The following SPATA13 variants were observed in gnomAD, a reference collection of about 807,000 sequenced individuals.
The protein encoded by SPATA13 is spermatogenesis-associated protein 13.
SPATA13 carries 50 observed loss-of-function variants against 104.0 expected under a neutral mutation model. The observed-to-expected ratio is 0.48, with a 90% confidence interval of 0.38 to 0.61. The LOEUF is 0.61. SPATA13 is among the 20% of genes least tolerant of loss of function. The pLI is 0.00. For synonymous variants in SPATA13, 606 were observed against 667.5 expected, an observed-to-expected ratio of 0.91 and a Z score of 1.42; for missense variants, 1,524 against 1,690.6, an observed-to-expected ratio of 0.90 and a Z score of 1.73.
At chr13:24,226,490 C>A (rs1411100308) in intron 2 of SPATA13, among the ~76,000 whole-genome samples, 1 of 152,164 alleles carries the variant, frequency 6.6e-6, no homozygotes, top group East Asian at 1.9e-4. Context: ...CAGTTTTTTT[C>A]ATATTCTATC....
intron 2 of SPATA13, among the ~76,000 whole-genome samples, chr13:24,232,144 T>C (rs1245014054): frequency 1.3e-5 from 2 of 152,190 alleles, no homozygotes; most frequent in Non-Finnish European, 2.9e-5. Flanking sequence ...GGAAGCCAGA[T>C]GTGTAGTTCA....
intron 4 of SPATA13, among the ~76,000 whole-genome samples, chr13:24,271,216 A>G (rs1593480881): frequency 6.6e-6 from 1 of 152,134 alleles, no homozygotes; most frequent in Admixed American, 6.6e-5. Context: ...GTAGAAAATC[A>G]TAAGAATCAA....
Position 24,275,434 on chromosome 13 carries a change from TC to T in SPATA13, c.2165-8697del, listed in dbSNP as rs1251638651. ...GAACAGATGTGTTCTCTTGGAATTG[TC>T]CCCAGTCAGAGAGGCGCTGATGGTC... On this transcript the variant is annotated intron_variant, in intron 4 of 12. Transcript: ENST00000382108. 3.9e-5 allele frequency among the ~76,000 whole-genome samples: 6 copies of T among 152,324 alleles called. No individual in the cohort carries two copies. The East Asian group carries it at 9.7e-4, about 25-fold the overall frequency.
chr13:24,296,391 A>G (rs1259214427), intron 10 of SPATA13, among the ~76,000 whole-genome samples: 1 of 152,242 alleles, frequency 6.6e-6, no homozygotes, highest in Non-Finnish European at 1.5e-5. Context: ...GTCATACCAA[A>G]TACCATAAAG....
At chr13:23,987,210 G>A (rs1168170342) in intron 2 of SPATA13, among the ~76,000 whole-genome samples, 1 of 152,056 alleles carries the variant, frequency 6.6e-6, no homozygotes, top group Non-Finnish European at 1.5e-5. Context: ...TATTTAGCAG[G>A]TTTTCTTTCA....
At chr13:24,206,473 A>G (rs1870702950) in intron 1 of SPATA13, among the ~76,000 whole-genome samples, 1 of 152,226 alleles carries the variant, frequency 6.6e-6, no homozygotes. Context: ...GGGAGTATAA[A>G]TTAGTTCAGC....
At chr13:24,001,733 G>T (rs867215165) in intron 2 of SPATA13, among the ~76,000 whole-genome samples, 9 of 152,148 alleles carry the variant, frequency 5.9e-5, no homozygotes, top group Middle Eastern at 3.4e-3. Flanking sequence ...GGAGGGAAAT[G>T]AAGAAAGAGA....
At chr13:24,052,287 C>T (rs1878372777) in intron 3 of SPATA13, among the ~76,000 whole-genome samples, 1 of 152,044 alleles carries the variant, frequency 6.6e-6, no homozygotes, top group South Asian at 2.1e-4. Context: ...GATTATAATC[C>T]CAGCAATTTG....
In SPATA13 at chr13:24,286,323, C is replaced by T; in HGVS notation, c.2411C>T (p.Ala804Val). 1 of 1,613,626 alleles carries T rather than the reference C, an allele frequency of 6.2e-7. No homozygotes were observed. Among genetic ancestry groups the T allele is most frequent in the Non-Finnish European group, 8.5e-7 (1 of 1,180,034 alleles). The change falls in exon 6 of 13, where the codon GCC becomes GTC. Residue 804 changes from alanine to valine, a missense_variant. Transcript: ENST00000382108. This position sits in a 1 kb window ranked among gnomAD's most constrained non-coding sequence, Gnocchi z 4.9. Reference sequence around the variant, plus strand: ...GGGGATGTCATCCAGGTTCTGGAAGCCTCCAACAAGGACTGGTGGTGGGGC... The same window carrying T: ...GGGGATGTCATCCAGGTTCTGGAAGTCTCCAACAAGGACTGGTGGTGGGGC... ...KAGDVIQVLE[A>V]SNKDWWWGRS...
intron 3 of SPATA13, among the ~76,000 whole-genome samples, chr13:24,125,680 G>A (rs1008022970): frequency 2.0e-5 from 3 of 152,134 alleles, no homozygotes; most frequent in Non-Finnish European, 4.4e-5. Flanking sequence ...GGACGTTTTT[G>A]TTGCTCAGGA....
At chr13:24,105,260 C>A (rs1310443584) in intron 3 of SPATA13, among the ~76,000 whole-genome samples, 1 of 152,044 alleles carries the variant, frequency 6.6e-6, no homozygotes, top group East Asian at 1.9e-4. Context: ...GTAGCTGGGA[C>A]TACAGGTGCA....
Position 24,251,710 on chromosome 13 carries a change from T to A in SPATA13, c.2020-8T>A, listed in dbSNP as rs1363531490. On this transcript the variant is annotated splice_polypyrimidine_tract_variant and splice_region_variant and intron_variant, in intron 3 of 12. Transcript: ENST00000382108. Reference sequence around the variant, plus strand: ...TACCTCCTCACAGATTTTGCTTTCTTTTTGCAGCCGGCTTCCAGGCCGCCC... The same window carrying A: ...TACCTCCTCACAGATTTTGCTTTCTATTTGCAGCCGGCTTCCAGGCCGCCC... The A allele has an allele frequency of 3.1e-6, 5 of 1,613,250 alleles. No individual in the cohort carries two copies. Among genetic ancestry groups the A allele is most frequent in the Non-Finnish European group, 8.5e-7 (1 of 1,179,460 alleles).
intron 3 of SPATA13, among the ~76,000 whole-genome samples, chr13:24,116,456 G>A (rs112221936): frequency 6.6e-6 from 1 of 152,168 alleles, no homozygotes; most frequent in Non-Finnish European, 1.5e-5. Flanking sequence ...GGTGGGGATC[G>A]TGGGGGCATC....
At chr13:24,240,549 G>A (rs144339441) in intron 2 of SPATA13, among the ~76,000 whole-genome samples, 6 of 152,254 alleles carry the variant, frequency 3.9e-5, no homozygotes, top group East Asian at 3.9e-4. Flanking sequence ...GTTTGTCACC[G>A]TCATGCGGAG....
At chr13:24,075,688 T>C (rs1165430258) in intron 3 of SPATA13, among the ~76,000 whole-genome samples, 2 of 152,230 alleles carry the variant, frequency 1.3e-5, no homozygotes, top group Non-Finnish European at 2.9e-5. Context: ...ATGACTGTTG[T>C]CTGTAATTTC....
chr13:24,119,884 A>G (rs1471501350), intron 3 of SPATA13, among the ~76,000 whole-genome samples: 1 of 152,198 alleles, frequency 6.6e-6, no homozygotes, highest in Admixed American at 6.5e-5. Context: ...CTTTGGGACA[A>G]TGTCCTGATA....
intron 2 of SPATA13, among the ~76,000 whole-genome samples, chr13:24,241,511 T>A (rs1413030133): frequency 6.6e-6 from 1 of 152,268 alleles, no homozygotes; most frequent in Admixed American, 6.5e-5. Context: ...TCCTCCACTT[T>A]GCATGGGTAA....
intron 1 of SPATA13, among the ~76,000 whole-genome samples, chr13:24,173,365 TGTGTGTGTG>T (rs1883068720): frequency 2.6e-4 from 1 of 3,804 alleles, no homozygotes; most frequent in Non-Finnish European, 6.6e-3. Context: ...TTCTTAGTTG[TGTGTGTGTG>T]TGTGTGTGTG....
intron 3 of SPATA13, among the ~76,000 whole-genome samples, chr13:24,101,712 A>G (rs1252061062): frequency 1.3e-5 from 2 of 152,168 alleles, no homozygotes; most frequent in African/African-American, 4.8e-5. Context: ...TCACGCACCT[A>G]TATAAGTGGA....
Sources: gnomAD v4.1 joint callset for allele counts (sites outside exome capture counted in the v4.1 genomes callset) on GRCh38, gnomAD v4.1.1 for gene constraint, Gnocchi (gnomAD v3.1) non-coding constraint, MANE v1.5 for transcripts, NCBI Gene and HGNC (gene_info 2026-07-23, HGNC 2026-07-21) for gene names.